Variants in PIBF1 observed in about 807,000 individuals in gnomAD.
PIBF1 encodes progesterone immunomodulatory binding factor 1.
Under a neutral mutation model 112.5 loss-of-function variants are expected in PIBF1, and 90 were observed. That is an observed-to-expected ratio of 0.80 (90% CI 0.67 to 0.95). The LOEUF (loss-of-function observed/expected upper bound fraction) is 0.95. PIBF1 is among the 40% of genes least tolerant of loss of function. The pLI is 0.00. For synonymous variants in PIBF1, 301 were observed against 288.6 expected, an observed-to-expected ratio of 1.04 and a Z score of -0.44; for missense variants, 915 against 852.3, an observed-to-expected ratio of 1.07 and a Z score of -0.92.
chr13:72,963,505 A>G (rs1162260106), intron 14 of PIBF1, among the ~76,000 whole-genome samples: 1 of 152,130 alleles, frequency 6.6e-6, no homozygotes, highest in African/African-American at 2.4e-5. Flanking sequence ...GAGGCAAGAG[A>G]ATTTCTTGAA....
chr13:72,880,403 A>T (rs1317187286), intron 10 of PIBF1, among the ~76,000 whole-genome samples: 1 of 152,214 alleles, frequency 6.6e-6, no homozygotes, highest in East Asian at 1.9e-4. Flanking sequence ...TATTTTTCTT[A>T]TGACAAGCTT....
chr13:72,915,468 T>A (rs1279019633), intron 12 of PIBF1, among the ~76,000 whole-genome samples: 3 of 152,238 alleles, frequency 2.0e-5, no homozygotes, highest in African/African-American at 7.2e-5. Context: ...CCATGATTTA[T>A]TAATCCATTA....
chr13:72,980,248 T>C (rs559179367), intron 16 of PIBF1, among the ~76,000 whole-genome samples: 1 of 152,196 alleles, frequency 6.6e-6, no homozygotes, highest in East Asian at 1.9e-4. Flanking sequence ...AGTGAGACTA[T>C]ATAGAGTAAG....
intron 9 of PIBF1, among the ~76,000 whole-genome samples, chr13:72,837,390 G>A (rs1255900380): frequency 1.3e-5 from 2 of 152,126 alleles, no homozygotes; most frequent in African/African-American, 2.4e-5. Flanking sequence ...GTTGAATCCT[G>A]AGAAAATTTT....
chr13:72,930,543 T>A (rs1328335649), intron 13 of PIBF1, among the ~76,000 whole-genome samples: 1 of 152,212 alleles, frequency 6.6e-6, no homozygotes, highest in Non-Finnish European at 1.5e-5. Flanking sequence ...GTTTCATATG[T>A]AATTTTAAAT....
Position 72,973,678 on chromosome 13 carries a change from A to G in PIBF1, c.2049+3A>G. 2 of 1,482,822 alleles carry G rather than the reference A, an allele frequency of 1.3e-6. No individual in the cohort carries two copies. Among genetic ancestry groups the G allele is most frequent in the South Asian group, 2.4e-5 (2 of 83,244 alleles). 91.9% of individuals were successfully genotyped at this position (1,482,822 alleles called of 1,614,324 possible). A position where few individuals can be genotyped will look rare whatever the true frequency, so the allele number is the denominator to read the frequency against. ...AACAACTTCTAAATCATCGTGAGGT[A>G]TTTTTCCTATTTTGTCATAATTGTA... On this transcript the variant is annotated splice_donor_region_variant and intron_variant, in intron 16 of 17. Coordinates refer to ENST00000326291, the MANE Select transcript of PIBF1 (RefSeq NM_006346.4).
chr13:72,866,448 A>G (rs183352958), intron 10 of PIBF1, among the ~76,000 whole-genome samples: 84 of 152,310 alleles, frequency 5.5e-4, no homozygotes, highest in African/African-American at 2.0e-3. Flanking sequence ...TTTAGGAGTT[A>G]CTGAAATTCT....
intron 16 of PIBF1, among the ~76,000 whole-genome samples, chr13:72,983,701 G>A (rs1023047453): frequency 6.6e-6 from 1 of 152,060 alleles, no homozygotes; most frequent in Non-Finnish European, 1.5e-5. Context: ...GTGCCCCTTA[G>A]GCAATCCACT....
chr13:72,995,717 C>T (rs924152926), intron 16 of PIBF1, among the ~76,000 whole-genome samples: 8 of 151,804 alleles, frequency 5.3e-5, no homozygotes, highest in East Asian at 3.9e-4. Context: ...TTTGGGAGGC[C>T]GAGGCGAGTG....
Position 72,854,120 on chromosome 13 carries a change from GGATGCTTTAGAAAAACAC to G in PIBF1, c.1291_1308del (p.Ala431_Asp436del), listed in dbSNP as rs2038301884. 1 of 1,612,982 alleles carries G rather than the reference GGATGCTTTAGAAAAACAC, an allele frequency of 6.2e-7. No homozygotes were observed. The highest frequency in any genetic ancestry group is 8.5e-7 in the Non-Finnish European group (1 of 1,179,194). ...AGGAACGAGCAGTGATGGCTGAAAA[GGATGCTTTAGAAAAACAC>G]GATCAGCTCTTAGACAGGTAAGCAT... On this transcript the variant is annotated inframe_deletion, in exon 10 of 18. Transcript: ENST00000326291.
chr13:72,857,051 C>T (rs943471742), intron 10 of PIBF1, among the ~76,000 whole-genome samples: 35 of 152,084 alleles, frequency 2.3e-4, no homozygotes, highest in African/African-American at 8.0e-4. Flanking sequence ...TTAAACTATG[C>T]ATTTAATGTA....
In PIBF1 at chr13:73,016,015, T is replaced by C; in HGVS notation, c.*96T>C. The C allele has an allele frequency of 1.9e-6, 1 of 526,116 alleles. No individual in the cohort carries two copies. The highest frequency in any genetic ancestry group is 3.2e-6 in the Non-Finnish European group (1 of 308,694). 32.6% of individuals were successfully genotyped at this position (526,116 alleles called of 1,614,324 possible). A position where few individuals can be genotyped will look rare whatever the true frequency, so the allele number is the denominator to read the frequency against. On this transcript the variant is annotated 3_prime_UTR_variant, in exon 18 of 18. Transcript: ENST00000326291. ...TCAGCTTAATCGTGTACTCAGCATT[T>C]TTTAAATAACAATGTTTATTTGAAC...
At chr13:72,857,304 A>C (rs1251269535) in intron 10 of PIBF1, among the ~76,000 whole-genome samples, 1 of 152,240 alleles carries the variant, frequency 6.6e-6, no homozygotes, top group Non-Finnish European at 1.5e-5. Flanking sequence ...CCATAGGAGA[A>C]TGTTTTTATA....
intron 8 of PIBF1, among the ~76,000 whole-genome samples, chr13:72,834,669 G>T (rs968496744): frequency 6.6e-6 from 1 of 151,906 alleles, no homozygotes; most frequent in African/African-American, 2.4e-5. Flanking sequence ...TTACCTTAAA[G>T]GTAAAGGTAA....
At chr13:72,890,550 T>G (rs2138551654) in intron 10 of PIBF1, among the ~76,000 whole-genome samples, 1 of 152,140 alleles carries the variant, frequency 6.6e-6, no homozygotes, top group East Asian at 1.9e-4. Context: ...GGAGCCAAAT[T>G]TTAGGCCTGG....
At chr13:72,833,111 C>G (rs991055555) in intron 8 of PIBF1, among the ~76,000 whole-genome samples, 2 of 152,132 alleles carry the variant, frequency 1.3e-5, no homozygotes, top group Non-Finnish European at 2.9e-5. Flanking sequence ...TGTTTTTCAG[C>G]TCCATCAGGT....
intron 11 of PIBF1, among the ~76,000 whole-genome samples, chr13:72,898,157 G>T (rs1162224042): frequency 6.6e-6 from 1 of 152,046 alleles, no homozygotes; most frequent in Non-Finnish European, 1.5e-5. Flanking sequence ...ACTCCAAAAG[G>T]AACCTTCAGA....
At chr13:72,832,089 T>C (rs1458632429) in intron 8 of PIBF1, among the ~76,000 whole-genome samples, 1 of 135,478 alleles carries the variant, frequency 7.4e-6, no homozygotes, top group Non-Finnish European at 1.6e-5. Context: ...TTTTTTTTTT[T>C]TTTTTTTTTT....
chr13:72,850,244 A>G (rs1362633737), intron 9 of PIBF1, among the ~76,000 whole-genome samples: 1 of 152,202 alleles, frequency 6.6e-6, no homozygotes, highest in African/African-American at 2.4e-5. Flanking sequence ...TCCATTCCCC[A>G]GTTCATTTCT....
Sources: gnomAD v4.1 joint callset for allele counts (sites outside exome capture counted in the v4.1 genomes callset) on GRCh38, gnomAD v4.1.1 for gene constraint, MANE v1.5 for transcripts, NCBI Gene and HGNC (gene_info 2026-07-23, HGNC 2026-07-21) for gene names.